Variants in GRID2 observed in about 807,000 individuals in gnomAD.
GRID2 encodes the protein glutamate receptor ionotropic, delta-2.
Under a neutral mutation model 114.8 loss-of-function variants are expected in GRID2, and 33 were observed. The observed-to-expected ratio is 0.29, with a 90% CI of 0.22 to 0.38. The LOEUF is 0.38. Among genes scored for constraint, GRID2 ranks in the 10% least tolerant of loss-of-function variants. The pLI, the probability that GRID2 is intolerant of heterozygous loss-of-function variation, is 1.00. For missense variants in GRID2, 1,184 were observed against 1,257.7 expected, an observed-to-expected ratio of 0.94 and a Z score of 0.89; for synonymous variants, 505 against 449.9, an observed-to-expected ratio of 1.12 and a Z score of -1.55.
At chr4:93,607,754 T>C (rs1740404255) in intron 13 of GRID2, among the ~76,000 whole-genome samples, 1 of 152,124 alleles carries the variant, frequency 6.6e-6, no homozygotes, top group Admixed American at 6.6e-5. Context: ...TCATTTTATT[T>C]TGTACTCACC....
chr4:93,220,846 A>T (rs1744791572), intron 6 of GRID2, among the ~76,000 whole-genome samples: 1 of 152,200 alleles, frequency 6.6e-6, no homozygotes, highest in African/African-American at 2.4e-5. Context: ...GTCTATCACT[A>T]CGTGAATGAA....
At chr4:92,635,659 C>A (rs1342915364) in intron 2 of GRID2, among the ~76,000 whole-genome samples, 3 of 151,888 alleles carry the variant, frequency 2.0e-5, no homozygotes, top group Admixed American at 6.6e-5. Context: ...GGGTAAAAAT[C>A]CTTACAAAAA....
chr4:93,809,677 A>G (rs1467571465), exon 2 of GRID2: 1 of 152,290 alleles, frequency 6.6e-6, no homozygotes, highest in East Asian at 1.9e-4. Flanking sequence ...TTTCCAAAAT[A>G]TTTTCAAATG....
intron 14 of GRID2, among the ~76,000 whole-genome samples, chr4:93,706,083 C>T (rs573329977): frequency 2.2e-4 from 33 of 152,254 alleles, no homozygotes; most frequent in African/African-American, 7.7e-4. Context: ...ATCACTATAG[C>T]TCTGTAGTAT....
chr4:93,385,120 A>G (rs1162846529), intron 8 of GRID2, among the ~76,000 whole-genome samples: 1 of 152,202 alleles, frequency 6.6e-6, no homozygotes, highest in African/African-American at 2.4e-5. Context: ...ATGAAACCCA[A>G]GAACTCCATG....
intron 2 of GRID2, among the ~76,000 whole-genome samples, chr4:92,636,143 C>T (rs779624614): frequency 4.6e-5 from 7 of 151,790 alleles, no homozygotes; most frequent in Non-Finnish European, 8.8e-5. Flanking sequence ...CTGTTAGAAC[C>T]CTAGAGTTGG....
chr4:93,180,778 A>G lies in GRID2; in HGVS notation c.736-26626A>G, dbSNP rs552698437. 3.2e-4 allele frequency among the ~76,000 whole-genome samples: 48 copies of G among 152,248 alleles called. No homozygotes were observed. The South Asian group carries it at 1.0e-2, about 32-fold the overall frequency. Reference sequence around the variant, plus strand: ...CTAGATTCAATGCTTCATTCATTCAAATTTAATCATGAGATTGCAGGAATC... The same window carrying G: ...CTAGATTCAATGCTTCATTCATTCAGATTTAATCATGAGATTGCAGGAATC... On this transcript the variant is annotated intron_variant, in intron 4 of 15. Coordinates refer to ENST00000282020, the MANE Select transcript of GRID2 (RefSeq NM_001510.4).
At chr4:93,230,062 G>C (rs540181381) in intron 7 of GRID2, among the ~76,000 whole-genome samples, 2 of 151,794 alleles carry the variant, frequency 1.3e-5, no homozygotes, top group Non-Finnish European at 2.9e-5. Context: ...TTAGCTTTTT[G>C]TAATCCTGAT....
intron 1 of GRID2, among the ~76,000 whole-genome samples, chr4:92,380,741 C>T (rs961049264): frequency 1.3e-5 from 2 of 151,976 alleles, no homozygotes; most frequent in East Asian, 1.9e-4. Flanking sequence ...TTCTGGCTAA[C>T]AGCGTTAGTT....
chr4:92,423,989 T>A (rs9993173), intron 1 of GRID2, among the ~76,000 whole-genome samples: 2 of 151,864 alleles, frequency 1.3e-5, no homozygotes, highest in African/African-American at 4.8e-5. Context: ...GCTTCTATGC[T>A]CTTCAAGTAG....
chr4:93,432,760 T>C (rs1769537712), intron 10 of GRID2, among the ~76,000 whole-genome samples: 1 of 152,114 alleles, frequency 6.6e-6, no homozygotes, highest in Non-Finnish European at 1.5e-5. Flanking sequence ...TTAATAATCA[T>C]GTATTGATAT....
chr4:92,305,409 A>G (rs1213291233), intron 1 of GRID2, among the ~76,000 whole-genome samples: 1 of 152,110 alleles, frequency 6.6e-6, no homozygotes, highest in Non-Finnish European at 1.5e-5. Flanking sequence ...GCCTCCTCGG[A>G]CACGCTCCCG....
At chr4:93,023,051 A>T (rs764321304) in intron 2 of GRID2, among the ~76,000 whole-genome samples, 1 of 151,660 alleles carries the variant, frequency 6.6e-6, no homozygotes, top group Non-Finnish European at 1.5e-5. Flanking sequence ...TGATTTTAGG[A>T]CATTTAATGA....
At chr4:93,439,484 T>C (rs1721423522) in intron 10 of GRID2, among the ~76,000 whole-genome samples, 2 of 152,198 alleles carry the variant, frequency 1.3e-5, no homozygotes, top group South Asian at 4.1e-4. Flanking sequence ...AACATTCTCA[T>C]GGAATTGTCT....
chr4:92,307,738 C>G (rs566066089), intron 1 of GRID2, among the ~76,000 whole-genome samples: 1 of 152,138 alleles, frequency 6.6e-6, no homozygotes, highest in South Asian at 2.1e-4. Context: ...AATATTTAAT[C>G]ATTACGTATA....
intron 7 of GRID2, among the ~76,000 whole-genome samples, chr4:93,233,356 T>C (rs1267585775): frequency 1.3e-5 from 2 of 151,580 alleles, no homozygotes; most frequent in Admixed American, 6.6e-5. Flanking sequence ...TATTTTTTAT[T>C]TTTTGAGATG....
intron 2 of GRID2, among the ~76,000 whole-genome samples, chr4:92,943,919 G>T (rs936436957): frequency 2.6e-5 from 4 of 152,206 alleles, no homozygotes; most frequent in African/African-American, 7.2e-5. Context: ...AACAGCAAAT[G>T]TTGCTGCCTG....
chr4:92,942,669 G>T (rs117769548), intron 2 of GRID2, among the ~76,000 whole-genome samples: 1 of 152,102 alleles, frequency 6.6e-6, no homozygotes, highest in Non-Finnish European at 1.5e-5. Context: ...TAGCCTTGAC[G>T]GTCTTTACAA....
chr4:93,627,512 T>C (rs1180576304), intron 14 of GRID2, among the ~76,000 whole-genome samples: 1 of 152,214 alleles, frequency 6.6e-6, no homozygotes, highest in Non-Finnish European at 1.5e-5. Flanking sequence ...CTAGTCAGCT[T>C]TTCTGTGTAG....
Sources: allele counts gnomAD v4.1 joint callset (sites outside exome capture counted in the v4.1 genomes callset), GRCh38; gene constraint gnomAD v4.1.1; transcripts MANE v1.5; gene names NCBI Gene and HGNC (gene_info 2026-07-23, HGNC 2026-07-21).